EFCAB6: variants seen among roughly 807,000 people sequenced by gnomAD.
EFCAB6 encodes the protein EF-hand calcium-binding domain-containing protein 6.
EFCAB6 carries 156 observed loss-of-function variants against 169.8 expected under a neutral mutation model. That is an observed-to-expected ratio of 0.92 (90% CI 0.81 to 1.05). The LOEUF (loss-of-function observed/expected upper bound fraction) is 1.05. EFCAB6 is among the 50% of genes least tolerant of loss of function. The pLI is 0.00. For missense variants in EFCAB6, 1,800 were observed against 1,829.1 expected (o/e 0.98, Z 0.29); for synonymous variants, 698 against 676.4 (o/e 1.03, Z -0.50).
Position 43,744,169 on chromosome 22 carries a change from G to A in EFCAB6, c.508-8176C>T, listed in dbSNP as rs575216496. Among the ~76,000 whole-genome samples the A allele has an allele frequency of 6.7e-6, 1 of 149,328 alleles. No individual in the cohort carries two copies. Among genetic ancestry groups the A allele is most frequent in the South Asian group, 2.1e-4 (1 of 4,794 alleles). On this transcript the variant is annotated intron_variant, in intron 6 of 31. Coordinates refer to ENST00000262726, the MANE Select transcript of EFCAB6 (RefSeq NM_022785.4). The surrounding 1 kb of genome is among the most constrained non-coding windows in gnomAD (Gnocchi z 4.3). ...TGGATGGATGGATGATGGATAGATG[G>A]GTAGATGGATGAATGGATGGATGAT...
intron 2 of EFCAB6, among the ~76,000 whole-genome samples, chr22:43,784,602 CATATATATGTGT>C (rs1569487681): frequency 1.1e-5 from 1 of 87,460 alleles, no homozygotes; most frequent in Non-Finnish European, 2.4e-5. Context: ...TATATATACA[CATATATATGTGT>C]ATATATACAC....
At chr22:43,780,296 G>T (rs2061773987) in intron 3 of EFCAB6, among the ~76,000 whole-genome samples, 2 of 151,874 alleles carry the variant, frequency 1.3e-5, no homozygotes. Context: ...AGACCAGCCT[G>T]GCCAACATGG....
chr22:43,558,403 C>G (rs560866520), intron 26 of EFCAB6, among the ~76,000 whole-genome samples: 1 of 151,514 alleles, frequency 6.6e-6, no homozygotes, highest in East Asian at 1.9e-4. Flanking sequence ...ATGACACAGG[C>G]ATACCTCATT....
chr22:43,632,242 G>T lies in EFCAB6; in HGVS notation c.2099-4C>A. The T allele has an allele frequency of 6.2e-7, 1 of 1,608,542 alleles. No homozygotes were observed. The highest frequency in any genetic ancestry group is 8.5e-7 in the Non-Finnish European group (1 of 1,177,290). On this transcript the variant is annotated splice_polypyrimidine_tract_variant and splice_region_variant and intron_variant, in intron 18 of 31. Transcript: ENST00000262726. ...TCCGGCCCTCTCATTGGAGGATCTGGAACAATTACAAAGATCGGGGTTTCC... is the reference window on the plus strand; with the variant it reads ...TCCGGCCCTCTCATTGGAGGATCTGTAACAATTACAAAGATCGGGGTTTCC...
At chr22:43,655,539 T>G (rs1002039305) in intron 17 of EFCAB6, among the ~76,000 whole-genome samples, 5 of 144,596 alleles carry the variant, frequency 3.5e-5, no homozygotes, top group Non-Finnish European at 6.1e-5. Context: ...AAAAAAAAGT[T>G]GGATAATCCT....
At chr22:43,650,195 GCTGTGTC>G (rs1390285372) in intron 17 of EFCAB6, among the ~76,000 whole-genome samples, 1 of 152,190 alleles carries the variant, frequency 6.6e-6, no homozygotes, top group Non-Finnish European at 1.5e-5. Flanking sequence ...ATATGGTTTG[GCTGTGTC>G]CCCACCCAAA....
chr22:43,787,629 T>G (rs1160001812), intron 2 of EFCAB6, among the ~76,000 whole-genome samples: 1 of 152,140 alleles, frequency 6.6e-6, no homozygotes, highest in African/African-American at 2.4e-5. Flanking sequence ...AAATATCCCA[T>G]GTTCATGGAT....
At chr22:43,660,454 G>C (rs1213251829) in intron 17 of EFCAB6, among the ~76,000 whole-genome samples, 1 of 151,742 alleles carries the variant, frequency 6.6e-6, no homozygotes, top group Non-Finnish European at 1.5e-5. Flanking sequence ...CCTCCCATAG[G>C]AACACAACCT....
chr22:43,722,446 G>A (rs545116622), intron 8 of EFCAB6, among the ~76,000 whole-genome samples: 11 of 151,688 alleles, frequency 7.3e-5, no homozygotes, highest in African/African-American at 2.4e-4. Context: ...CAGAAGAATC[G>A]CTTGAACCCA....
chr22:43,541,866 A>G (rs1397357983), intron 27 of EFCAB6, among the ~76,000 whole-genome samples: 1 of 152,206 alleles, frequency 6.6e-6, no homozygotes, highest in African/African-American at 2.4e-5. Flanking sequence ...TTAAGTGTCA[A>G]ACATCTGGCA....
chr22:43,759,343 GTCT>G (rs1257074509), intron 5 of EFCAB6: 1 of 152,212 alleles, frequency 6.6e-6, no homozygotes, highest in African/African-American at 2.4e-5. Context: ...CTCTCAGTAA[GTCT>G]TCTTGTGTGG....
intron 23 of EFCAB6, among the ~76,000 whole-genome samples, chr22:43,596,864 T>C (rs2052051235): frequency 6.6e-6 from 1 of 152,190 alleles, no homozygotes; most frequent in Non-Finnish European, 1.5e-5. Context: ...TACAAAGTTA[T>C]ATTTACTAAA....
At chr22:43,655,261 G>GTAAA (rs2056677646) in intron 17 of EFCAB6, among the ~76,000 whole-genome samples, 1 of 151,932 alleles carries the variant, frequency 6.6e-6, no homozygotes, top group East Asian at 1.9e-4. Flanking sequence ...TGTCTCAAAA[G>GTAAA]TAAATAAATA....
At chr22:43,591,117 TTTTTTTG>T (rs1192580430) in intron 23 of EFCAB6, among the ~76,000 whole-genome samples, 3 of 130,104 alleles carry the variant, frequency 2.3e-5, no homozygotes, top group Non-Finnish European at 5.0e-5. Flanking sequence ...TTTTGTTTTT[TTTTTTTG>T]TTTTTTTTTT....
Position 43,590,339 on chromosome 22 carries a change from G to C in EFCAB6, c.2877-110C>G, listed in dbSNP as rs1023777673. 19 of 1,282,162 alleles carry C rather than the reference G, an allele frequency of 1.5e-5. No homozygotes were observed. In the African/African-American group the frequency reaches 2.8e-4, roughly 19 times the overall value. 79.4% of individuals were successfully genotyped at this position (1,282,162 alleles called of 1,614,324 possible). On this transcript the variant is annotated intron_variant, in intron 23 of 31. Transcript: ENST00000262726. Reference sequence around the variant, plus strand: ...TGCAATGAGCTGATGGCTCATCTAAGAACTAATTTTGAAGATGTTTTACAG... The same window carrying C: ...TGCAATGAGCTGATGGCTCATCTAACAACTAATTTTGAAGATGTTTTACAG...
Position 43,534,761 on chromosome 22 carries a change from C to A in EFCAB6, c.4160G>T (p.Ser1387Ile), listed in dbSNP as rs1054049275. The change falls in exon 30 of 32, where the codon AGC (serine) becomes ATC (isoleucine). Residue 1387 changes from serine (S) to isoleucine (I), a missense_variant. Ser to Ile is a moderately radical substitution (Grantham distance 142, BLOSUM62 -2). Coordinates refer to ENST00000262726, the MANE Select transcript of EFCAB6 (RefSeq NM_022785.4). Reference protein sequence around the residue: ...GKFAYCDFIQSCVLLLKAKES... With the variant: ...GKFAYCDFIQICVLLLKAKES... The stretch of plus-strand genomic sequence containing the variant: ...CTTTGCTTTTAGCAGGAGGACACAG[C>A]TCTGAATGAAGTCACAGTATGCAAA... 6.2e-7 allele frequency: 1 copy of A among 1,614,016 alleles called. No homozygotes were observed. The highest frequency in any genetic ancestry group is 8.5e-7 in the Non-Finnish European group (1 of 1,179,982).
intron 4 of EFCAB6, among the ~76,000 whole-genome samples, chr22:43,771,465 A>C (rs1470414739): frequency 6.6e-6 from 1 of 152,084 alleles, no homozygotes; most frequent in Non-Finnish European, 1.5e-5. Context: ...AATTTAAAAA[A>C]ACTAATGAAT....
At chr22:43,808,151 AATG>A (rs2062984344) in intron 2 of EFCAB6, among the ~76,000 whole-genome samples, 1 of 152,216 alleles carries the variant, frequency 6.6e-6, no homozygotes, top group South Asian at 2.1e-4. Context: ...TCCTTGTCTC[AATG>A]ATATGGTATA....
intron 11 of EFCAB6, among the ~76,000 whole-genome samples, chr22:43,686,292 A>AT (rs1002218530): frequency 3.3e-5 from 5 of 149,470 alleles, no homozygotes; most frequent in South Asian, 2.1e-4. Context: ...ATAATTTTTA[A>AT]TTTTTTTTTT....
Sources: allele counts gnomAD v4.1 joint callset (sites outside exome capture counted in the v4.1 genomes callset), GRCh38; gene constraint gnomAD v4.1.1; non-coding constraint Gnocchi (gnomAD v3.1); transcripts MANE v1.5; gene names NCBI Gene and HGNC (gene_info 2026-07-23, HGNC 2026-07-21).